The following SVIL variants were observed in gnomAD, a reference collection of about 807,000 sequenced individuals.
SVIL encodes the protein supervillin.
Under a neutral mutation model 240.4 loss-of-function variants are expected in SVIL, and 101 were observed. That is an observed-to-expected ratio of 0.42 (90% CI 0.36 to 0.50). The LOEUF is 0.50. Ranked by LOEUF, SVIL falls within the 20% of genes least tolerant of loss-of-function variation. The pLI, the probability that SVIL is intolerant of heterozygous loss-of-function variation, is 0.01. For missense variants in SVIL, 2,512 were observed against 2,818.7 expected, an observed-to-expected ratio of 0.89 and a Z score of 2.46; for synonymous variants, 999 against 1,100.0, an observed-to-expected ratio of 0.91 and a Z score of 1.82.
intron 2 of SVIL, among the ~76,000 whole-genome samples, chr10:29,676,882 A>T (rs1148210): frequency 0.46 from 70,439 of 151,928 alleles, 16,930 homozygotes; most frequent in East Asian, 0.68. Context: ...TCTTGGAAAC[A>T]CCTGTGGAGA....
intron 6 of SVIL, among the ~76,000 whole-genome samples, chr10:29,549,972 T>C (rs1376062757): frequency 7.8e-6 from 1 of 128,824 alleles, no homozygotes; most frequent in Non-Finnish European, 1.6e-5. Flanking sequence ...TGTATACATA[T>C]GTAACTAACC....
intron 3 of SVIL, among the ~76,000 whole-genome samples, chr10:29,562,483 G>A (rs1954576839): frequency 6.6e-6 from 1 of 152,232 alleles, no homozygotes. Context: ...AGCCCTGGCT[G>A]GGCGCGGTGG....
intron 3 of SVIL, 58 bp from the exon 4 acceptor site, chr10:29,555,166 A>G (rs893787907): frequency 8.9e-6 from 13 of 1,468,632 alleles, no homozygotes; most frequent in Non-Finnish European, 1.1e-5. Context: ...CGCTCATTTT[A>G]TTCACTCATG....
chr10:29,635,598 T>C (rs1022842709), upstream of SVIL, among the ~76,000 whole-genome samples: 1 of 152,212 alleles, frequency 6.6e-6, no homozygotes, highest in Non-Finnish European at 1.5e-5. Flanking sequence ...AAAAACCAGA[T>C]GAACCTAACC....
At chr10:29,462,444 C>T (rs1300851049) in intron 35 of SVIL, 43 bp from the exon 36 acceptor site, 4 of 1,585,480 alleles carry the variant, frequency 2.5e-6, no homozygotes, top group African/African-American at 1.4e-5. Context: ...CCCAGGGAGA[C>T]CCTGTCTTTC....
chr10:29,464,937 G>A (rs1435707900), intron 34 of SVIL, among the ~76,000 whole-genome samples: 1 of 152,180 alleles, frequency 6.6e-6, no homozygotes, highest in Non-Finnish European at 1.5e-5. Flanking sequence ...CCTGACCTTG[G>A]GATCAGAAGA....
At chr10:29,590,325 G>C (rs1956343030) in intron 1 of SVIL, among the ~76,000 whole-genome samples, 2 of 152,082 alleles carry the variant, frequency 1.3e-5, no homozygotes, top group South Asian at 2.1e-4. Context: ...GCACAAAAGA[G>C]CTATTCACAT....
intron 26 of SVIL, among the ~76,000 whole-genome samples, chr10:29,485,844 A>G (rs1744780005): frequency 6.6e-6 from 1 of 152,374 alleles, no homozygotes; most frequent in East Asian, 1.9e-4. Flanking sequence ...TTTGCCTAAG[A>G]TATAAAAGCC....
In SVIL at chr10:29,530,598, A is replaced by G; in HGVS notation, c.2106+9T>C. ...GGGATCTCTATTCAAGCACGTCAGC[A>G]CAGCTTACCCTGAAAAGCAACCTCT... On this transcript the variant is annotated intron_variant, in intron 11 of 37. Transcript: ENST00000355867. 1 of 1,614,088 alleles carries G rather than the reference A, an allele frequency of 6.2e-7. No homozygotes were observed. Among genetic ancestry groups the G allele is most frequent in the Non-Finnish European group, 8.5e-7 (1 of 1,179,988 alleles).
chr10:29,664,242 C>G (rs535712451), intron 2 of SVIL, among the ~76,000 whole-genome samples: 1 of 152,294 alleles, frequency 6.6e-6, no homozygotes, highest in South Asian at 2.1e-4. Context: ...CTCTCATACA[C>G]TTTTTCAAAA....
chr10:29,502,823 C>T (rs747746807), intron 17 of SVIL, among the ~76,000 whole-genome samples: 10 of 152,090 alleles, frequency 6.6e-5, no homozygotes, highest in South Asian at 4.1e-4. Flanking sequence ...TTTTAGGTTG[C>T]CTGATGTTGC....
At chr10:29,594,859 T>C (rs907338326) in intron 1 of SVIL, among the ~76,000 whole-genome samples, 4 of 152,208 alleles carry the variant, frequency 2.6e-5, no homozygotes, top group African/African-American at 9.6e-5. Flanking sequence ...GCCCAGCCTC[T>C]GCTCAATTTT....
At chr10:29,603,526 A>T (rs1448962282) in intron 1 of SVIL, among the ~76,000 whole-genome samples, 1 of 112,404 alleles carries the variant, frequency 8.9e-6, no homozygotes, top group Non-Finnish European at 2.2e-5. Context: ...GGCTCCCAAG[A>T]ATTATAATTT....
intron 1 of SVIL, among the ~76,000 whole-genome samples, chr10:29,575,771 G>A (rs1019422940): frequency 2.0e-5 from 3 of 151,992 alleles, no homozygotes; most frequent in African/African-American, 7.3e-5. Context: ...ATCATGACAC[G>A]GTTTTCTCAA....
In SVIL at chr10:29,471,178, C is replaced by T. The variant is rs891944683; in HGVS notation, c.5595G>A (p.Val1865=). The T allele has an allele frequency of 2.5e-6, 4 of 1,613,830 alleles. No individual in the cohort carries two copies. Among genetic ancestry groups the T allele is most frequent in the Non-Finnish European group, 3.4e-6 (4 of 1,179,960 alleles). Residue 1865 remains valine (V), a synonymous_variant, in exon 31 of 38, where the codon GTG becomes GTA. Coordinates refer to ENST00000355867, the MANE Select transcript of SVIL (RefSeq NM_021738.3). ...CTTCCTCTTCCCGCCTCCCCGAGTGCACCACCATCCCCCCCTGGAAACACT... is the reference window on the plus strand; with the variant it reads ...CTTCCTCTTCCCGCCTCCCCGAGTGTACCACCATCCCCCCCTGGAAACACT... The part of the protein sequence containing the change: ...FLQCFQGGMV[V]HSGRREEEEE...
At chr10:29,658,796 A>G (rs1227932549) in intron 2 of SVIL, among the ~76,000 whole-genome samples, 2 of 152,180 alleles carry the variant, frequency 1.3e-5, no homozygotes, top group East Asian at 1.9e-4. Flanking sequence ...GAGGCTTGGG[A>G]ACAGCAGCCT....
chr10:29,537,517 C>T (rs1379621643), intron 6 of SVIL, among the ~76,000 whole-genome samples: 2 of 152,158 alleles, frequency 1.3e-5, no homozygotes, highest in Non-Finnish European at 2.9e-5. Flanking sequence ...GAGGAACACT[C>T]AGATTACTGC....
chr10:29,664,078 G>A (rs887127755), intron 2 of SVIL, among the ~76,000 whole-genome samples: 1 of 152,086 alleles, frequency 6.6e-6, no homozygotes, highest in Non-Finnish European at 1.5e-5. Flanking sequence ...TCCCATGACA[G>A]CACAGGTTCT....
chr10:29,564,192 C>T lies in SVIL; in HGVS notation c.-142-900G>A, dbSNP rs548592873. ...AACTCAAAGTTGGGAGAGAGGCACA[C>T]ATGTCTGGCCGCAGCACAACACTGG... On this transcript the variant is annotated intron_variant, in intron 2 of 37. Coordinates refer to ENST00000355867, the MANE Select transcript of SVIL (RefSeq NM_021738.3). 3.3e-5 allele frequency among the ~76,000 whole-genome samples: 5 copies of T among 152,300 alleles called. No homozygotes were observed. The East Asian group carries it at 9.7e-4, about 29-fold the overall frequency.
Sources: allele counts gnomAD v4.1 joint callset (sites outside exome capture counted in the v4.1 genomes callset), GRCh38; gene constraint gnomAD v4.1.1; transcripts MANE v1.5; gene names NCBI Gene and HGNC (gene_info 2026-07-23, HGNC 2026-07-21).